Variants in PDE4B observed in about 807,000 individuals in gnomAD.
PDE4B encodes phosphodiesterase 4B.
A neutral mutation model predicts 82.2 loss-of-function variants in PDE4B; 20 were observed. That is an observed-to-expected ratio of 0.24 (90% CI 0.17 to 0.35). The LOEUF is 0.35. Ranked by LOEUF, PDE4B falls within the 10% of genes least tolerant of loss-of-function variation. The probability of loss-of-function intolerance (pLI) is 1.00; values close to 1 mark genes in which losing one functional copy is unlikely to be tolerated. For missense variants in PDE4B, 655 were observed against 907.2 expected, an observed-to-expected ratio of 0.72 and a Z score of 3.57; for synonymous variants, 320 against 318.9, an observed-to-expected ratio of 1.00 and a Z score of -0.04.
chr1:66,152,943 C>T (rs928967894), intron 3 of PDE4B, among the ~76,000 whole-genome samples: 5 of 152,126 alleles, frequency 3.3e-5, no homozygotes, highest in Non-Finnish European at 7.4e-5. Context: ...AGAGTAATCT[C>T]CTTAACATAA....
At chr1:66,091,245 G>T (rs1442556970) in intron 3 of PDE4B, among the ~76,000 whole-genome samples, 2 of 152,146 alleles carry the variant, frequency 1.3e-5, no homozygotes, top group East Asian at 1.9e-4. Context: ...GCCTACTGCG[G>T]TGATCTTCAT....
At chr1:65,867,261 C>CA (rs1170710540) in intron 1 of PDE4B, among the ~76,000 whole-genome samples, 1 of 151,226 alleles carries the variant, frequency 6.6e-6, no homozygotes, top group Non-Finnish European at 1.5e-5. Flanking sequence ...TATTAGACTT[C>CA]AAAAAAAGTG....
intron 1 of PDE4B, among the ~76,000 whole-genome samples, chr1:65,851,678 T>C (rs543889110): frequency 2.6e-5 from 4 of 152,158 alleles, no homozygotes; most frequent in African/African-American, 9.6e-5. Flanking sequence ...GGATTAAATC[T>C]TGAGTCCTTG....
intron 1 of PDE4B, among the ~76,000 whole-genome samples, chr1:65,852,674 C>G (rs755608542): frequency 6.6e-6 from 1 of 151,872 alleles, no homozygotes; most frequent in Non-Finnish European, 1.5e-5. Context: ...AATATGTTTT[C>G]TAATCTACAT....
chr1:66,253,691 A>G (rs1425308421), intron 4 of PDE4B, among the ~76,000 whole-genome samples: 4 of 152,242 alleles, frequency 2.6e-5, no homozygotes, highest in African/African-American at 9.6e-5. Flanking sequence ...AAAATTTATA[A>G]TAGTTCCATA....
At chr1:66,293,648 T>C (rs767835836) in intron 7 of PDE4B, among the ~76,000 whole-genome samples, 7 of 152,204 alleles carry the variant, frequency 4.6e-5, no homozygotes, top group Non-Finnish European at 8.8e-5. Flanking sequence ...GTTAGTTACA[T>C]AGTTTATTAA....
rs1557752727 is a variant in PDE4B at position 65,798,240 on chromosome 1, T to TGAACTCCTGACCTCAAGTGA, written c.-71+4992_-71+4993insGAACTCCTGACCTCAAGTGA. Among the ~76,000 whole-genome samples, 99 of 49,512 alleles carry TGAACTCCTGACCTCAAGTGA rather than the reference T, an allele frequency of 2.0e-3. 1 individual carries two copies. The highest frequency in any genetic ancestry group is 6.8e-3 in the Middle Eastern group (1 of 148). 32.5% of individuals were successfully genotyped at this position (49,512 alleles called of 152,430 possible). On this transcript the variant is annotated intron_variant, in intron 1 of 16. Coordinates refer to ENST00000341517, the MANE Select transcript of PDE4B (RefSeq NM_002600.4). ...TTCACCATGTTGGCCAGGCTAGTCT[T>TGAACTCCTGACCTCAAGTGA]TTTTTTTTTTTTTTTTTTTTTTTTT...
chr1:66,051,007 A>G (rs1654995236), intron 3 of PDE4B, among the ~76,000 whole-genome samples: 1 of 152,134 alleles, frequency 6.6e-6, no homozygotes, highest in South Asian at 2.1e-4. Context: ...ATGGAAATGT[A>G]AAAAACTGGA....
intron 3 of PDE4B, among the ~76,000 whole-genome samples, chr1:66,036,632 T>A (rs1377421786): frequency 6.6e-6 from 1 of 152,188 alleles, no homozygotes; most frequent in Non-Finnish European, 1.5e-5. Flanking sequence ...TGACTATTGA[T>A]GTGTGGGTTT....
intron 1 of PDE4B, among the ~76,000 whole-genome samples, chr1:65,806,285 A>G (rs1645753953): frequency 6.6e-6 from 1 of 152,170 alleles, no homozygotes; most frequent in African/African-American, 2.4e-5. Flanking sequence ...AGTGATACAT[A>G]AAATAATGCT....
intron 3 of PDE4B, among the ~76,000 whole-genome samples, chr1:66,134,928 G>A (rs1043815518): frequency 1.6e-4 from 25 of 152,146 alleles, no homozygotes; most frequent in Non-Finnish European, 3.1e-4. Flanking sequence ...ATATCTGTAG[G>A]GATAGAACTA....
intron 3 of PDE4B, among the ~76,000 whole-genome samples, chr1:66,112,003 C>A (rs1198744906): frequency 6.6e-6 from 1 of 152,022 alleles, no homozygotes; most frequent in Non-Finnish European, 1.5e-5. Flanking sequence ...CATTTTAGAA[C>A]CTTTGCATTT....
intron 3 of PDE4B, among the ~76,000 whole-genome samples, chr1:66,101,284 A>G (rs940699480): frequency 1.3e-5 from 2 of 152,202 alleles, no homozygotes; most frequent in East Asian, 1.9e-4. Context: ...TAGTGCCACA[A>G]TAAACATACA....
chr1:66,135,200 A>G (rs1646032214), intron 3 of PDE4B, among the ~76,000 whole-genome samples: 1 of 152,258 alleles, frequency 6.6e-6, no homozygotes, highest in Non-Finnish European at 1.5e-5. Context: ...TGGAAGCAAT[A>G]TGTAGCTTGA....
At chr1:66,154,435 G>A (rs1646461986) in intron 3 of PDE4B, among the ~76,000 whole-genome samples, 2 of 152,120 alleles carry the variant, frequency 1.3e-5, no homozygotes, top group South Asian at 2.1e-4. Context: ...GAGAATTGAA[G>A]GGCAAAGAGA....
chr1:65,967,287 CTCA>C (rs1649885553), intron 3 of PDE4B, among the ~76,000 whole-genome samples: 1 of 152,178 alleles, frequency 6.6e-6, no homozygotes. Flanking sequence ...TGAAAAAGAG[CTCA>C]TCATCACTGG....
intron 3 of PDE4B, among the ~76,000 whole-genome samples, chr1:65,936,330 A>G (rs1469503544): frequency 2.0e-5 from 3 of 152,156 alleles, no homozygotes; most frequent in Non-Finnish European, 4.4e-5. Context: ...AAGTCAGCAC[A>G]GTAGGTTTGT....
At position 66,368,779 on chromosome 1, in the gene PDE4B, G is replaced by T; in HGVS notation, c.1663-8G>T. ...TTTTATGAGATTTCCAAAACTTGATGATTTCAGGTCCTTCGCAACATGGTA... is the reference window on the plus strand; with the variant it reads ...TTTTATGAGATTTCCAAAACTTGATTATTTCAGGTCCTTCGCAACATGGTA... On this transcript the variant is annotated splice_polypyrimidine_tract_variant and splice_region_variant and intron_variant, in intron 15 of 16. Transcript: ENST00000341517. 1 of 1,495,774 alleles carries T rather than the reference G, an allele frequency of 6.7e-7. No individual in the cohort carries two copies. Among genetic ancestry groups the T allele is most frequent in the Non-Finnish European group, 9.0e-7 (1 of 1,115,234 alleles). 92.7% of individuals were successfully genotyped at this position (1,495,774 alleles called of 1,614,324 possible). A position where few individuals can be genotyped will look rare whatever the true frequency, so the allele number is the denominator to read the frequency against.
intron 1 of PDE4B, among the ~76,000 whole-genome samples, chr1:65,827,025 A>G (rs545326127): frequency 7.5e-4 from 115 of 152,350 alleles, no homozygotes; most frequent in Admixed American, 1.1e-3. Flanking sequence ...GCATACATTA[A>G]GCACAGGGTA....
Sources: allele counts gnomAD v4.1 joint callset (sites outside exome capture counted in the v4.1 genomes callset), GRCh38; gene constraint gnomAD v4.1.1; transcripts MANE v1.5; gene names NCBI Gene and HGNC (gene_info 2026-07-23, HGNC 2026-07-21).